Variants in COLGALT2 observed in about 807,000 individuals in gnomAD.
COLGALT2 encodes the protein collagen beta(1-O)galactosyltransferase 2.
Under a neutral mutation model 73.4 loss-of-function variants are expected in COLGALT2, and 49 were observed. The ratio of observed to expected loss-of-function variants is 0.67; its 90% CI spans 0.53 to 0.85. The LOEUF is 0.85. COLGALT2 is among the 40% of genes least tolerant of loss of function. COLGALT2 has a pLI of 0.00. For synonymous variants in COLGALT2, 295 were observed against 307.6 expected, an observed-to-expected ratio of 0.96 and a Z score of 0.43; for missense variants, 722 against 790.2, an observed-to-expected ratio of 0.91 and a Z score of 1.03.
intron 6 of COLGALT2, among the ~76,000 whole-genome samples, chr1:183,959,380 T>A (rs1670636170): frequency 6.6e-6 from 1 of 152,200 alleles, no homozygotes; most frequent in Non-Finnish European, 1.5e-5. Context: ...CTATTAAATA[T>A]CTTAAACTTA....
chr1:184,020,977 C>G (rs1166624444), intron 1 of COLGALT2, among the ~76,000 whole-genome samples: 1 of 152,020 alleles, frequency 6.6e-6, no homozygotes, highest in Admixed American at 6.6e-5. Context: ...TTCCCCAGAG[C>G]AAGCAATCCA....
intron 4 of COLGALT2, 68 bp downstream of exon 4, chr1:183,973,548 G>C (rs1474061686): frequency 5.1e-6 from 8 of 1,581,074 alleles, no homozygotes; most frequent in Non-Finnish European, 6.9e-6. Flanking sequence ...AGGTGAATGG[G>C]ACTACTGTTG....
chr1:183,952,213 T>G (rs1670419724), intron 7 of COLGALT2, among the ~76,000 whole-genome samples: 1 of 152,172 alleles, frequency 6.6e-6, no homozygotes, highest in South Asian at 2.1e-4. Context: ...AGTAAGAAAC[T>G]CATTTTAAAT....
chr1:183,969,034 T>C (rs760457766), intron 5 of COLGALT2, among the ~76,000 whole-genome samples: 12 of 151,838 alleles, frequency 7.9e-5, no homozygotes, highest in Non-Finnish European at 1.0e-4. Flanking sequence ...TCACCACCAG[T>C]CCCTCCAACT....
chr1:183,977,812 A>AAGAGAG (rs59481089), intron 2 of COLGALT2, among the ~76,000 whole-genome samples: 1,521 of 52,412 alleles, frequency 0.029, 34 homozygotes, highest in African/African-American at 0.054. Flanking sequence ...GAAAGAGAGA[A>AAGAGAG]AGAGAGAGAG....
At chr1:184,026,380 T>C (rs1303799922) in intron 1 of COLGALT2, among the ~76,000 whole-genome samples, 2 of 152,162 alleles carry the variant, frequency 1.3e-5, no homozygotes, top group Admixed American at 1.3e-4. Flanking sequence ...ATTTTTGCCC[T>C]GTCACCAAAA....
chr1:183,978,367 AAGG>A, intron 2 of COLGALT2, 40 bp downstream of exon 2: 1 of 1,074,494 alleles, frequency 9.3e-7, no homozygotes, highest in South Asian at 1.3e-5. Context: ...GTTAAAGAGG[AAGG>A]GTAAATAATG....
rs140566030 is a variant in COLGALT2 at position 184,029,307 on chromosome 1, A to G, written c.263+7788T>C. 1.2e-3 allele frequency among the ~76,000 whole-genome samples: 179 copies of G among 152,338 alleles called. 1 individual carries two copies. Among genetic ancestry groups the G allele is most frequent in the East Asian group, 4.2e-3 (22 of 5,192 alleles). ...AGAGAGCTAAGGGAAAAGTAATACA[A>G]TCCTGATCCTTTTACCACTAGGTCA... On this transcript the variant is annotated intron_variant, in intron 1 of 11. Transcript: ENST00000361927.
Position 183,940,767 on chromosome 1 carries a change from A to G in COLGALT2, c.1418T>C (p.Met473Thr), listed in dbSNP as rs1190230913. The change falls in exon 11 of 12, where the codon ATG (methionine) becomes ACG (threonine). Residue 473 changes from methionine (M) to threonine (T), a missense_variant. Transcript: ENST00000361927. ...TGCTTTCTCTGGCTCCTTTACTTGC[A>G]TCCTCTTCCTACCAATATAACTGTA... ...WELIYIGRKR[M>T]QVKEPEKAVP... 7 of 1,614,080 alleles carry G rather than the reference A, an allele frequency of 4.3e-6. No homozygotes were observed. Among genetic ancestry groups the G allele is most frequent in the Non-Finnish European group, 5.9e-6 (7 of 1,180,026 alleles).
Position 183,962,873 on chromosome 1 carries a change from T to C in COLGALT2, c.952+1028A>G, listed in dbSNP as rs116692761. 1.2e-3 allele frequency among the ~76,000 whole-genome samples: 185 copies of C among 152,348 alleles called. 1 individual carries two copies. The highest frequency in any genetic ancestry group is 3.5e-3 in the African/African-American group (146 of 41,596). On this transcript the variant is annotated intron_variant, in intron 6 of 11. Transcript: ENST00000361927. Reference sequence around the variant, plus strand: ...AATCTTTTTGAGCGTGCCTGTCCTTTCAGCTGAAGCCCAAATGCCTTCTTA... The same window carrying C: ...AATCTTTTTGAGCGTGCCTGTCCTTCCAGCTGAAGCCCAAATGCCTTCTTA...
chr1:184,005,629 C>T (rs973295636), intron 1 of COLGALT2, among the ~76,000 whole-genome samples: 2 of 152,186 alleles, frequency 1.3e-5, no homozygotes, highest in Non-Finnish European at 2.9e-5. Context: ...CAGCACTCTG[C>T]ACAGCCCATC....
chr1:183,976,974 C>T (rs182329228), intron 2 of COLGALT2, among the ~76,000 whole-genome samples: 93 of 152,238 alleles, frequency 6.1e-4, no homozygotes, highest in African/African-American at 2.0e-3. Flanking sequence ...ATAAAAGAAA[C>T]GTTCTGGATA....
At chr1:184,000,807 A>G (rs1462162437) in intron 1 of COLGALT2, among the ~76,000 whole-genome samples, 1 of 150,150 alleles carries the variant, frequency 6.7e-6, no homozygotes, top group Non-Finnish European at 1.5e-5. Flanking sequence ...CTAAGAGGAC[A>G]GTGTATTTCA....
chr1:183,983,060 T>A lies in COLGALT2; in HGVS notation c.264-4540A>T, dbSNP rs191024311. Among the ~76,000 whole-genome samples the A allele has an allele frequency of 1.5e-3, 226 of 152,346 alleles. 1 individual carries two copies. The highest frequency in any genetic ancestry group is 5.1e-3 in the African/African-American group (213 of 41,580). On this transcript the variant is annotated intron_variant, in intron 1 of 11. Coordinates refer to ENST00000361927, the MANE Select transcript of COLGALT2 (RefSeq NM_015101.4). ...TGCCTGGAGTATGCAGAGGTACAGA[T>A]GTCTAATTAAAAACAGATGCACAGA...
At chr1:183,993,123 T>C (rs1202747757) in intron 1 of COLGALT2, among the ~76,000 whole-genome samples, 1 of 152,186 alleles carries the variant, frequency 6.6e-6, no homozygotes, top group Non-Finnish European at 1.5e-5. Flanking sequence ...CCAGTAAAAA[T>C]GAAATACACA....
intron 1 of COLGALT2, among the ~76,000 whole-genome samples, chr1:184,033,670 A>G (rs999177372): frequency 3.9e-5 from 6 of 152,242 alleles, no homozygotes; most frequent in African/African-American, 1.4e-4. Context: ...GATGATACTC[A>G]TTTCATCTGT....
In COLGALT2 at chr1:183,937,234, G is replaced by C. The variant is rs1377472344; in HGVS notation, c.*1527C>G. The C allele has an allele frequency of 2.0e-5, 24 of 1,206,804 alleles. No individual in the cohort carries two copies. Among genetic ancestry groups the C allele is most frequent in the African/African-American group, 3.1e-5 (2 of 63,924 alleles). The allele number at this position is 1,206,804 out of a possible 1,614,324, so 74.8% of individuals were successfully genotyped here. On this transcript the variant is annotated 3_prime_UTR_variant, in exon 12 of 12. Transcript: ENST00000361927. ...TGCACGGCCCCCCATATGGCTGCAT[G>C]GTGCATGGACAGTGATGAGGAACGG...
In COLGALT2 at chr1:183,994,878, A is replaced by G. The variant is rs532642931; in HGVS notation, c.264-16358T>C. On this transcript the variant is annotated intron_variant, in intron 1 of 11. Transcript: ENST00000361927. ...AATCAAGGATCCTATATCTAGTCAG[A>G]TTTTTTAAAAATAGAAAATAAAGCC... Among the ~76,000 whole-genome samples the G allele has an allele frequency of 1.1e-4, 17 of 152,354 alleles. No homozygotes were observed. In the South Asian group the frequency reaches 3.5e-3, roughly 32 times the overall value.
Position 183,978,313 on chromosome 1 carries a change from GA to G in COLGALT2, c.374+96del, listed in dbSNP as rs550503584. The G allele has an allele frequency of 4.2e-4, 276 of 662,162 alleles. 3 individuals are homozygous for G. The South Asian group carries it at 5.2e-3, about 12-fold the overall frequency. 41.0% of individuals were successfully genotyped at this position (662,162 alleles called of 1,614,324 possible). On this transcript the variant is annotated intron_variant, in intron 2 of 11. Coordinates refer to ENST00000361927, the MANE Select transcript of COLGALT2 (RefSeq NM_015101.4). Reference sequence around the variant, plus strand: ...CATAGCTACAGAAATGAAAGACAATGAAAAGTCACATGTACCTCCAAACCTG... The same window carrying G: ...CATAGCTACAGAAATGAAAGACAATGAAAGTCACATGTACCTCCAAACCTG...
Sources: allele counts gnomAD v4.1 joint callset (sites outside exome capture counted in the v4.1 genomes callset), GRCh38; gene constraint gnomAD v4.1.1; transcripts MANE v1.5; gene names NCBI Gene and HGNC (gene_info 2026-07-23, HGNC 2026-07-21).